Variants in FOXP2 observed in about 807,000 individuals in gnomAD.
FOXP2 encodes forkhead box P2, also known as forkhead box protein P2.
FOXP2 carries 12 observed loss-of-function variants against 115.8 expected under a neutral mutation model. The observed-to-expected ratio is 0.10, with a 90% CI of 0.07 to 0.17. The LOEUF is 0.17. Among genes scored for constraint, FOXP2 ranks in the 10% least tolerant of loss-of-function variants. The pLI is 1.00. For synonymous variants in FOXP2, 328 were observed against 297.7 expected (o/e 1.10, Z -1.05); for missense variants, 629 against 843.5 (o/e 0.75, Z 3.15).
chr7:114,177,708 T>C (rs1793353374), intron 1 of FOXP2, among the ~76,000 whole-genome samples: 1 of 152,074 alleles, frequency 6.6e-6, no homozygotes, highest in South Asian at 2.1e-4. Context: ...TATATATTTA[T>C]GGTGTATGAC....
chr7:114,526,195 A>AAAAAC (rs1554410537), intron 2 of FOXP2, among the ~76,000 whole-genome samples: 46 of 147,116 alleles, frequency 3.1e-4, no homozygotes, highest in African/African-American at 1.1e-3. Flanking sequence ...AAAAAAAAAA[A>AAAAAC]GGGCCGGACG....
chr7:114,359,368 A>G (rs1175807506), intron 2 of FOXP2, among the ~76,000 whole-genome samples: 1 of 152,234 alleles, frequency 6.6e-6, no homozygotes, highest in Non-Finnish European at 1.5e-5. Context: ...AACCTCTGCT[A>G]GGGGAGCACA....
At position 114,250,485 on chromosome 7, in the gene FOXP2, A is replaced by G. The variant is rs1255004420; in HGVS notation, c.-101-37534A>G. Among the ~76,000 whole-genome samples, 7 of 152,240 alleles carry G rather than the reference A, an allele frequency of 4.6e-5. 1 individual carries two copies. The East Asian group carries it at 1.4e-3, about 29-fold the overall frequency. ...GTTTCCTGACTTTTTAATGATTGCCATTCTAACTCGTGTGAGATGGTATCT... is the reference window on the plus strand; with the variant it reads ...GTTTCCTGACTTTTTAATGATTGCCGTTCTAACTCGTGTGAGATGGTATCT... On this transcript the variant is annotated intron_variant, in intron 1 of 17. Coordinates refer to the FOXP2 transcript ENST00000634411.
intron 3 of FOXP2, among the ~76,000 whole-genome samples, chr7:114,575,997 T>C (rs1046560275): frequency 1.6e-4 from 24 of 151,982 alleles, no homozygotes; most frequent in Admixed American, 9.9e-4. Context: ...ATTGTTTTAC[T>C]GTGTTTATTT....
intron 2 of FOXP2, among the ~76,000 whole-genome samples, chr7:114,305,275 G>GA (rs2129179039): frequency 6.6e-6 from 1 of 152,184 alleles, no homozygotes; most frequent in East Asian, 1.9e-4. Context: ...TGAAAAGAAG[G>GA]AAAAATATAT....
At chr7:114,557,054 C>T (rs1374985513) in intron 3 of FOXP2, among the ~76,000 whole-genome samples, 2 of 151,958 alleles carry the variant, frequency 1.3e-5, no homozygotes, top group East Asian at 1.9e-4. Context: ...ATGTAAAATA[C>T]AGTTTTTACA....
chr7:114,223,788 CT>C (rs1019153313), intron 1 of FOXP2, among the ~76,000 whole-genome samples: 23 of 151,186 alleles, frequency 1.5e-4, no homozygotes, highest in Non-Finnish European at 3.1e-4. Context: ...TTTTTACTTT[CT>C]TTAGGTGAAT....
intron 3 of FOXP2, among the ~76,000 whole-genome samples, chr7:114,572,672 G>A (rs960904177): frequency 1.6e-4 from 25 of 151,702 alleles, no homozygotes; most frequent in Non-Finnish European, 2.7e-4. Flanking sequence ...AATTGTTTTC[G>A]TTAAACTGAA....
chr7:114,164,345 C>CA (rs1554424782), intron 1 of FOXP2, among the ~76,000 whole-genome samples: 12 of 140,370 alleles, frequency 8.5e-5, no homozygotes, highest in African/African-American at 3.1e-4. Flanking sequence ...CAAAACTTTT[C>CA]TTTTTTTTTT....
At chr7:114,239,007 C>A (rs1315372053) in intron 1 of FOXP2, among the ~76,000 whole-genome samples, 1 of 150,090 alleles carries the variant, frequency 6.7e-6, no homozygotes, top group Non-Finnish European at 1.5e-5. Context: ...TTATTAAAAG[C>A]ATTCTTTAGA....
chr7:114,226,500 T>G (rs1045503782), intron 1 of FOXP2, among the ~76,000 whole-genome samples: 3 of 152,206 alleles, frequency 2.0e-5, no homozygotes, highest in Admixed American at 2.0e-4. Context: ...CTAGGCTGTT[T>G]TACCTTTCTC....
chr7:114,529,986 A>C (rs1308897786), intron 2 of FOXP2, among the ~76,000 whole-genome samples: 2 of 151,946 alleles, frequency 1.3e-5, no homozygotes, highest in African/African-American at 4.8e-5. Flanking sequence ...TTCGTATTCA[A>C]AGTAACATGT....
At chr7:114,429,475 T>C (rs1311980225) in intron 2 of FOXP2, among the ~76,000 whole-genome samples, 1 of 151,488 alleles carries the variant, frequency 6.6e-6, no homozygotes, top group Non-Finnish European at 1.5e-5. Context: ...ATGTATAATA[T>C]ATGGACGTAG....
At position 114,539,356 on chromosome 7, in the gene FOXP2, G is replaced by A. The variant is rs552725494; in HGVS notation, c.258+4650G>A. 2.0e-3 allele frequency among the ~76,000 whole-genome samples: 298 copies of A among 151,994 alleles called. 1 individual carries two copies. Among genetic ancestry groups the A allele is most frequent in the Non-Finnish European group, 3.1e-3 (208 of 67,872 alleles). ...TTTCAATATTACTTTTAAATATAAT[G>A]TAGAAGAAGTGGAGAGAAGCTAAAC... On this transcript the variant is annotated intron_variant, in intron 3 of 16. Coordinates refer to ENST00000350908, the MANE Select transcript of FOXP2 (RefSeq NM_014491.4).
In FOXP2 at chr7:114,105,280, C is replaced by T. The variant is rs188849801; in HGVS notation, c.-247+17442C>T. Among the ~76,000 whole-genome samples, 28 of 151,980 alleles carry T rather than the reference C, an allele frequency of 1.8e-4. No homozygotes were observed. The East Asian group carries it at 4.6e-3, about 25-fold the overall frequency. On this transcript the variant is annotated intron_variant, in intron 1 of 19. Transcript: ENST00000635638. ...TTTTAGTGGTTAGTTTAAAATTACACAAAATAAAGTCAGTTTGGGGAATCA... is the reference window on the plus strand; with the variant it reads ...TTTTAGTGGTTAGTTTAAAATTACATAAAATAAAGTCAGTTTGGGGAATCA...
intron 1 of FOXP2, among the ~76,000 whole-genome samples, chr7:114,235,262 A>G (rs1262006274): frequency 6.6e-6 from 1 of 152,184 alleles, no homozygotes; most frequent in Non-Finnish European, 1.5e-5. Flanking sequence ...GTTCATTGTT[A>G]AAACAATTAT....
chr7:114,505,001 AC>A (rs1192846292), intron 2 of FOXP2, among the ~76,000 whole-genome samples: 2 of 151,564 alleles, frequency 1.3e-5, no homozygotes, highest in Non-Finnish European at 3.0e-5. Flanking sequence ...ATTTGTTTTA[AC>A]TATTAGTTGG....
intron 3 of FOXP2, among the ~76,000 whole-genome samples, chr7:114,603,574 T>A (rs1395092964): frequency 2.6e-5 from 4 of 152,236 alleles, no homozygotes; most frequent in African/African-American, 9.6e-5. Context: ...TCCTTGAAGA[T>A]GTTTTATCAT....
intron 2 of FOXP2, among the ~76,000 whole-genome samples, chr7:114,481,568 C>A (rs115992458): frequency 0.017 from 2,534 of 151,364 alleles, 73 homozygotes; most frequent in African/African-American, 0.058. Context: ...CTAAATAGTT[C>A]TTTTCTCATT....
Sources: allele counts gnomAD v4.1 joint callset (sites outside exome capture counted in the v4.1 genomes callset), GRCh38; gene constraint gnomAD v4.1.1; transcripts MANE v1.5; gene names NCBI Gene and HGNC (gene_info 2026-07-23, HGNC 2026-07-21).